Variants in PRR5L observed in about 807,000 individuals in gnomAD.
PRR5L encodes proline-rich protein 5-like.
Under a neutral mutation model 36.4 loss-of-function variants are expected in PRR5L, and 21 were observed. The ratio of observed to expected loss-of-function variants is 0.58; its 90% CI spans 0.41 to 0.83. The LOEUF is 0.83. PRR5L is among the 40% of genes least tolerant of loss of function. PRR5L has a pLI of 0.00. For synonymous variants in PRR5L, 188 were observed against 197.0 expected, an observed-to-expected ratio of 0.95 and a Z score of 0.38; for missense variants, 381 against 473.3, an observed-to-expected ratio of 0.80 and a Z score of 1.81.
intron 6 of PRR5L, among the ~76,000 whole-genome samples, chr11:36,443,027 T>G (rs1036665368): frequency 1.3e-5 from 2 of 152,198 alleles, no homozygotes; most frequent in Non-Finnish European, 2.9e-5. Context: ...TTTTCTGTAT[T>G]AGTTCATTTT....
At chr11:36,438,943 T>C (rs1858663400) in intron 6 of PRR5L, among the ~76,000 whole-genome samples, 1 of 151,760 alleles carries the variant, frequency 6.6e-6, no homozygotes, top group East Asian at 1.9e-4. Context: ...TCGAAATAAA[T>C]AAATACTACG....
At chr11:36,342,281 G>C (rs1345237944) in intron 1 of PRR5L, among the ~76,000 whole-genome samples, 1 of 152,138 alleles carries the variant, frequency 6.6e-6, no homozygotes, top group African/African-American at 2.4e-5. Flanking sequence ...TATGTAGGCT[G>C]GCTTTGGTCT....
chr11:36,399,774 A>G (rs1460665859), intron 1 of PRR5L, among the ~76,000 whole-genome samples: 3 of 152,212 alleles, frequency 2.0e-5, no homozygotes, highest in Non-Finnish European at 4.4e-5. Flanking sequence ...ATTCATTTAG[A>G]CTTTAGAGTC....
intron 1 of PRR5L, 98 bp from the exon 2 acceptor site, chr11:36,400,899 T>C: frequency 1.0e-6 from 1 of 959,486 alleles, no homozygotes; most frequent in Non-Finnish European, 1.4e-6. Flanking sequence ...GTCCCGCAGT[T>C]GTTTTCGGGG....
intron 1 of PRR5L, among the ~76,000 whole-genome samples, chr11:36,302,645 G>A (rs1230515305): frequency 2.0e-5 from 3 of 152,060 alleles, no homozygotes; most frequent in Non-Finnish European, 4.4e-5. Flanking sequence ...AAATTAGCTG[G>A]GCATGGTGGC....
intron 1 of PRR5L, among the ~76,000 whole-genome samples, chr11:36,302,427 A>G (rs1412529744): frequency 6.6e-6 from 1 of 152,198 alleles, no homozygotes; most frequent in Non-Finnish European, 1.5e-5. Flanking sequence ...GGCAGGTCCT[A>G]TAGAGTCTTA....
intron 1 of PRR5L, among the ~76,000 whole-genome samples, chr11:36,349,678 C>T (rs1055008850): frequency 6.6e-6 from 1 of 152,156 alleles, no homozygotes; most frequent in Non-Finnish European, 1.5e-5. Context: ...CTAGGTGATG[C>T]TTGGACACAT....
chr11:36,460,102 C>A (rs1859148892), intron 8 of PRR5L, among the ~76,000 whole-genome samples: 1 of 152,100 alleles, frequency 6.6e-6, no homozygotes, highest in African/African-American at 2.4e-5. Flanking sequence ...TGGGTGAGTA[C>A]AACACCCAGT....
At chr11:36,334,516 A>G (rs1856749998) in intron 1 of PRR5L, among the ~76,000 whole-genome samples, 1 of 152,204 alleles carries the variant, frequency 6.6e-6, no homozygotes, top group South Asian at 2.1e-4. Flanking sequence ...CTGGTACACC[A>G]TCAAGGTTAT....
chr11:36,448,467 T>C (rs935265548), intron 7 of PRR5L, among the ~76,000 whole-genome samples: 1 of 152,202 alleles, frequency 6.6e-6, no homozygotes, highest in African/African-American at 2.4e-5. Context: ...GTGATCACCA[T>C]TCCTCCTGCT....
At chr11:36,366,281 G>A (rs1857143003) in intron 1 of PRR5L, among the ~76,000 whole-genome samples, 1 of 152,148 alleles carries the variant, frequency 6.6e-6, no homozygotes, top group Non-Finnish European at 1.5e-5. Context: ...GAGTAAGTGA[G>A]CCACTGCTTG....
intron 1 of PRR5L, among the ~76,000 whole-genome samples, chr11:36,368,877 G>T (rs1247066299): frequency 6.6e-6 from 1 of 152,158 alleles, no homozygotes; most frequent in African/African-American, 2.4e-5. Flanking sequence ...AATACAGTAA[G>T]TATTGATAGA....
rs113232797 is a variant in PRR5L, at chr11:36,340,011, C to T, written c.-126+43573C>T. ...TCAACCTCTGGTCTCTCCCTCCTTGCGTCCTTACAGCACAGTTGCTGCCAT... is the reference window on the plus strand; with the variant it reads ...TCAACCTCTGGTCTCTCCCTCCTTGTGTCCTTACAGCACAGTTGCTGCCAT... On this transcript the variant is annotated intron_variant, in intron 1 of 8. Transcript: ENST00000530639. Among the ~76,000 whole-genome samples the T allele has an allele frequency of 3.3e-5, 5 of 152,308 alleles. No individual in the cohort carries two copies. The East Asian group carries it at 7.7e-4, about 23-fold the overall frequency.
chr11:36,330,874 C>T lies in PRR5L; in HGVS notation c.-126+34436C>T, dbSNP rs765829861. Among the ~76,000 whole-genome samples, 10 of 150,360 alleles carry T rather than the reference C, an allele frequency of 6.7e-5. No homozygotes were observed. In the South Asian group the frequency reaches 1.3e-3, roughly 19 times the overall value. ...TAGGCCGGTGTTAGAGGTGTGATCTCGGCTCATTGCAACCTTCACCTCCTG... is the reference window on the plus strand; with the variant it reads ...TAGGCCGGTGTTAGAGGTGTGATCTTGGCTCATTGCAACCTTCACCTCCTG... On this transcript the variant is annotated intron_variant, in intron 1 of 8. Coordinates refer to ENST00000530639, the MANE Select transcript of PRR5L (RefSeq NM_001160167.2).
chr11:36,403,431 G>T, intron 3 of PRR5L, 53 bp downstream of exon 3: 4 of 1,430,564 alleles, frequency 2.8e-6, no homozygotes, highest in Non-Finnish European at 3.9e-6. Context: ...CTGAGCAGGG[G>T]CATAGGGGCT....
rs566381979 is a variant in PRR5L at position 36,377,436 on chromosome 11, G to C, written c.-125-23561G>C. The C allele has an allele frequency of 6.6e-6, 1 of 152,242 alleles. No homozygotes were observed. Among genetic ancestry groups the C allele is most frequent in the Non-Finnish European group, 1.5e-5 (1 of 68,062 alleles). The allele number at this position is 152,242 out of a possible 1,614,324, so 9.4% of individuals were successfully genotyped here. On this transcript the variant is annotated intron_variant, in intron 1 of 8. Transcript: ENST00000530639. The surrounding 1 kb of genome is among the most constrained non-coding windows in gnomAD (Gnocchi z 5.1). ...GCTTTCCTCTGCGCGCTTACTGTGC[G>C]CGCATGCCGGGCTCGCTGCACGCAG...
At chr11:36,333,251 T>A (rs1169271763) in intron 1 of PRR5L, among the ~76,000 whole-genome samples, 2 of 152,194 alleles carry the variant, frequency 1.3e-5, no homozygotes, top group East Asian at 3.8e-4. Context: ...ATTGGGAAGA[T>A]CTGGAGCAAA....
intron 1 of PRR5L, among the ~76,000 whole-genome samples, chr11:36,339,841 A>C (rs974435441): frequency 2.0e-5 from 3 of 152,216 alleles, no homozygotes; most frequent in African/African-American, 7.2e-5. Context: ...CCCATTAGGA[A>C]GCTTTCTTGG....
chr11:36,464,708 A>C lies in PRR5L; in HGVS notation c.*1972A>C, dbSNP rs562530192. ...ATCCAGGCAAAGTAATTAATTAATC[A>C]TGCTTGGGCTTACTTTTTCAGTTTG... On this transcript the variant is annotated 3_prime_UTR_variant, in exon 9 of 9. Transcript: ENST00000530639. The C allele has an allele frequency of 1.0e-3, 155 of 152,282 alleles. No homozygotes were observed. The highest frequency in any genetic ancestry group is 3.1e-3 in the African/African-American group (128 of 41,580). The allele number at this position is 152,282 out of a possible 1,614,324, so 9.4% of individuals were successfully genotyped here.
Sources: allele counts gnomAD v4.1 joint callset (sites outside exome capture counted in the v4.1 genomes callset), GRCh38; gene constraint gnomAD v4.1.1; non-coding constraint Gnocchi (gnomAD v3.1); transcripts MANE v1.5; gene names NCBI Gene and HGNC (gene_info 2026-07-23, HGNC 2026-07-21).